CHST11: variants seen among roughly 807,000 people sequenced by gnomAD.
The protein encoded by CHST11 is carbohydrate sulfotransferase 11, also known as C4S-1.
A neutral mutation model predicts 30.4 loss-of-function variants in CHST11; 9 were observed. That is an observed-to-expected ratio of 0.30 (90% CI 0.18 to 0.52). The LOEUF (loss-of-function observed/expected upper bound fraction) is 0.52. Among genes scored for constraint, CHST11 ranks in the 20% least tolerant of loss-of-function variants. The pLI, the probability that CHST11 is intolerant of heterozygous loss-of-function variation, is 0.97. For synonymous variants in CHST11, 152 were observed against 187.8 expected, an observed-to-expected ratio of 0.81 and a Z score of 1.56; for missense variants, 348 against 460.6, an observed-to-expected ratio of 0.76 and a Z score of 2.24.
chr12:104,570,616 C>T (rs915664210), intron 1 of CHST11, among the ~76,000 whole-genome samples: 3 of 151,900 alleles, frequency 2.0e-5, no homozygotes, highest in Non-Finnish European at 4.4e-5. Flanking sequence ...TCAAGCAACT[C>T]GGGAATTTAG....
chr12:104,696,004 A>G (rs312143), intron 2 of CHST11, among the ~76,000 whole-genome samples: 48,212 of 152,050 alleles, frequency 0.32, 7,779 homozygotes, highest in Non-Finnish European at 0.37. Context: ...TGAGAAAGGG[A>G]AGCACAGGAA....
chr12:104,537,694 T>C (rs1028378175), intron 1 of CHST11, among the ~76,000 whole-genome samples: 3 of 60,862 alleles, frequency 4.9e-5, no homozygotes, highest in Non-Finnish European at 6.4e-5. Flanking sequence ...ACCTCCCTGC[T>C]TTTTTTTTTT....
intron 1 of CHST11, among the ~76,000 whole-genome samples, chr12:104,459,572 T>C (rs935804710): frequency 6.6e-5 from 10 of 152,238 alleles, no homozygotes; most frequent in Admixed American, 2.0e-4. Flanking sequence ...AATTGGGAAA[T>C]AACTTTCTAG....
intron 2 of CHST11, among the ~76,000 whole-genome samples, chr12:104,653,457 G>A (rs757714053): frequency 6.6e-6 from 1 of 152,164 alleles, no homozygotes; most frequent in Non-Finnish European, 1.5e-5. Context: ...AGTACCTACT[G>A]CGTGGTAGAC....
rs71069772 is a variant in CHST11, at chr12:104,684,256, GTGGATGGATGGA to G, written c.205-72655_205-72644del. The stretch of plus-strand genomic sequence containing the variant: ...GAATAAATAGGAATTGGTACAAAAT[GTGGATGGATGGA>G]TGGATGGATGGATGGATGGATGGAT... On this transcript the variant is annotated intron_variant, in intron 2 of 2. Coordinates refer to ENST00000303694, the MANE Select transcript of CHST11 (RefSeq NM_018413.6). Among the ~76,000 whole-genome samples, 412 of 148,028 alleles carry G rather than the reference GTGGATGGATGGA, an allele frequency of 2.8e-3. 1 individual carries two copies. Among genetic ancestry groups the G allele is most frequent in the Non-Finnish European group, 4.1e-3 (275 of 67,198 alleles).
intron 1 of CHST11, among the ~76,000 whole-genome samples, chr12:104,535,608 C>T (rs1253099843): frequency 1.3e-5 from 2 of 152,136 alleles, no homozygotes; most frequent in East Asian, 1.9e-4. Flanking sequence ...TTCTCCTCTC[C>T]CATTGCCAGG....
chr12:104,634,093 G>A (rs777980970), intron 2 of CHST11, among the ~76,000 whole-genome samples: 1 of 152,194 alleles, frequency 6.6e-6, no homozygotes, highest in Non-Finnish European at 1.5e-5. Flanking sequence ...ACAAAGCTCG[G>A]TCCTTATAGA....
intron 1 of CHST11, among the ~76,000 whole-genome samples, chr12:104,544,016 C>T (rs796401519): frequency 3.3e-5 from 5 of 151,106 alleles, no homozygotes; most frequent in African/African-American, 1.2e-4. Context: ...CCTGGCTACT[C>T]GGGAGGCTGA....
At chr12:104,582,993 A>G (rs2038762105) in intron 1 of CHST11, among the ~76,000 whole-genome samples, 1 of 152,140 alleles carries the variant, frequency 6.6e-6, no homozygotes, top group South Asian at 2.1e-4. Flanking sequence ...CCATTTGCAG[A>G]CACCTTATTG....
intron 2 of CHST11, among the ~76,000 whole-genome samples, chr12:104,626,633 A>G (rs774915856): frequency 4.7e-5 from 7 of 149,024 alleles, no homozygotes; most frequent in Non-Finnish European, 7.4e-5. Context: ...TAAATGTGGT[A>G]TTTCCTGGGA....
chr12:104,685,655 T>A (rs1038095691), intron 2 of CHST11, among the ~76,000 whole-genome samples: 6 of 152,194 alleles, frequency 3.9e-5, no homozygotes, highest in Non-Finnish European at 2.9e-5. Context: ...GTGGGGTGCT[T>A]GGCACATAAT....
chr12:104,574,594 C>T (rs1471248629), intron 1 of CHST11, among the ~76,000 whole-genome samples: 4 of 151,612 alleles, frequency 2.6e-5, no homozygotes, highest in Non-Finnish European at 5.9e-5. Flanking sequence ...TCATTCTCAG[C>T]AAACTATCGC....
intron 1 of CHST11, among the ~76,000 whole-genome samples, chr12:104,519,575 T>TA (rs2038056883): frequency 6.6e-6 from 1 of 152,170 alleles, no homozygotes; most frequent in Non-Finnish European, 1.5e-5. Flanking sequence ...GCCTTTCTCT[T>TA]AAGGCTGTCA....
At chr12:104,686,941 C>A (rs1379043193) in intron 2 of CHST11, among the ~76,000 whole-genome samples, 4 of 152,236 alleles carry the variant, frequency 2.6e-5, no homozygotes, top group East Asian at 3.8e-4. Context: ...AGCCACCACA[C>A]CTGGCCATTC....
intron 2 of CHST11, among the ~76,000 whole-genome samples, chr12:104,723,364 G>T (rs1418817472): frequency 1.3e-5 from 2 of 152,202 alleles, no homozygotes; most frequent in Middle Eastern, 3.2e-3. Flanking sequence ...GGCGGGCGGG[G>T]TGGGCGTCTG....
chr12:104,480,544 C>A (rs1438851528), intron 1 of CHST11, among the ~76,000 whole-genome samples: 2 of 149,624 alleles, frequency 1.3e-5, no homozygotes, highest in Non-Finnish European at 2.9e-5. Flanking sequence ...TGCCACTGCA[C>A]CCCAGCCTGG....
At chr12:104,525,855 G>A (rs2038120392) in intron 1 of CHST11, among the ~76,000 whole-genome samples, 1 of 146,816 alleles carries the variant, frequency 6.8e-6, no homozygotes, top group South Asian at 2.1e-4. Context: ...GCCCTTATTT[G>A]CATCTTTGCT....
intron 1 of CHST11, among the ~76,000 whole-genome samples, chr12:104,575,159 C>A (rs2038671080): frequency 1.3e-5 from 2 of 151,830 alleles, no homozygotes. Context: ...TGCCACTGCA[C>A]CCCAGCCTGA....
At chr12:104,673,205 T>G (rs902626441) in intron 2 of CHST11, among the ~76,000 whole-genome samples, 5 of 152,124 alleles carry the variant, frequency 3.3e-5, no homozygotes, top group Non-Finnish European at 7.4e-5. Context: ...AATCTCAAGA[T>G]CCTTAGCTTA....
Sources: allele counts gnomAD v4.1 joint callset (sites outside exome capture counted in the v4.1 genomes callset), GRCh38; gene constraint gnomAD v4.1.1; transcripts MANE v1.5; gene names NCBI Gene and HGNC (gene_info 2026-07-23, HGNC 2026-07-21).